The following GRIK4 variants were observed in gnomAD, a reference collection of about 807,000 sequenced individuals.
GRIK4 encodes glutamate receptor ionotropic, kainate 4.
In GRIK4, 40 loss-of-function variants were observed where a neutral mutation model predicts 104.9. That is an observed-to-expected ratio of 0.38 (90% confidence interval 0.30 to 0.50). The LOEUF is 0.50. Ranked by LOEUF, GRIK4 falls within the 20% of genes least tolerant of loss-of-function variation. GRIK4 has a pLI of 0.93. For synonymous variants in GRIK4, 485 were observed against 524.9 expected (o/e 0.92, Z 1.04); for missense variants, 1,047 against 1,308.1 (o/e 0.80, Z 3.08).
intron 1 of GRIK4, among the ~76,000 whole-genome samples, chr11:120,554,309 A>G (rs1283409761): frequency 6.6e-6 from 1 of 152,212 alleles, no homozygotes; most frequent in Non-Finnish European, 1.5e-5. Flanking sequence ...GTAGCAATTA[A>G]CTATCTTTAG....
chr11:120,897,695 A>G (rs10892636), intron 11 of GRIK4, among the ~76,000 whole-genome samples: 27,887 of 150,730 alleles, frequency 0.19, 2,966 homozygotes, highest in East Asian at 0.47. Flanking sequence ...ACAAAACACA[A>G]TAGAGAGAGA....
intron 9 of GRIK4, among the ~76,000 whole-genome samples, chr11:120,863,794 C>G (rs1202060100): frequency 6.6e-6 from 1 of 152,160 alleles, no homozygotes; most frequent in Non-Finnish European, 1.5e-5. Context: ...GAAGCCAGGG[C>G]CTGGACTTAA....
chr11:120,580,256 TCTTTCTTTCTTTC>T (rs1948559398), intron 1 of GRIK4, among the ~76,000 whole-genome samples: 1 of 137,120 alleles, frequency 7.3e-6, no homozygotes, highest in East Asian at 2.0e-4. Context: ...TCTTTCTTTT[TCTTTCTTTCTTTC>T]CTTTCTTTCT....
chr11:120,982,127 G>A lies in GRIK4; in HGVS notation c.2417G>A (p.Gly806Asp), dbSNP rs1417962249. ...RAKGLGMENI[G>D]GIFVVLICGL... ...ACAGGCCTGGGAATGGAGAATATTGGTGGAATCTTTGTGGTTCTTATTTGT... is the reference window on the plus strand; with the variant it reads ...ACAGGCCTGGGAATGGAGAATATTGATGGAATCTTTGTGGTTCTTATTTGT... The change falls in exon 20 of 21, where the codon GGT (glycine) becomes GAT (aspartate). Residue 806 changes from glycine to aspartate, a missense_variant. Gly to Asp is a moderately conservative substitution (Grantham distance 94). Coordinates refer to ENST00000527524, the MANE Select transcript of GRIK4 (RefSeq NM_014619.5). 6.2e-7 allele frequency: 1 copy of A among 1,610,264 alleles called. No homozygotes were observed.
intron 18 of GRIK4, among the ~76,000 whole-genome samples, chr11:120,963,809 G>A (rs1194930389): frequency 6.6e-6 from 1 of 151,980 alleles, no homozygotes; most frequent in African/African-American, 2.4e-5. Flanking sequence ...TTTAGCCTCA[G>A]TTATCTAATT....
At chr11:120,979,140 A>G (rs948889962) in intron 19 of GRIK4, among the ~76,000 whole-genome samples, 2 of 152,226 alleles carry the variant, frequency 1.3e-5, no homozygotes, top group African/African-American at 4.8e-5. Flanking sequence ...TGAGGTCTGA[A>G]TAAAAAGTAC....
At chr11:120,920,089 G>A (rs923558678) in intron 13 of GRIK4, among the ~76,000 whole-genome samples, 13 of 152,166 alleles carry the variant, frequency 8.5e-5, no homozygotes, top group African/African-American at 3.1e-4. Context: ...CTTCCATCCC[G>A]ACTGGACACC....
intron 1 of GRIK4, among the ~76,000 whole-genome samples, chr11:120,582,590 T>C (rs910635876): frequency 6.6e-6 from 1 of 152,216 alleles, no homozygotes; most frequent in Non-Finnish European, 1.5e-5. Flanking sequence ...CACCCACTTA[T>C]AAGTAAGAAC....
At chr11:120,644,891 A>G (rs1455196061) in intron 1 of GRIK4, among the ~76,000 whole-genome samples, 2 of 152,148 alleles carry the variant, frequency 1.3e-5, no homozygotes, top group African/African-American at 2.4e-5. Flanking sequence ...CTTAAAGTAT[A>G]ATAATAATAA....
At chr11:120,629,303 T>A (rs1056658308) in intron 1 of GRIK4, among the ~76,000 whole-genome samples, 1 of 152,224 alleles carries the variant, frequency 6.6e-6, no homozygotes, top group Non-Finnish European at 1.5e-5. Context: ...AGCTTCAGTT[T>A]CTTCATTTGA....
At chr11:120,815,741 C>A (rs940356682) in intron 5 of GRIK4, among the ~76,000 whole-genome samples, 2 of 152,068 alleles carry the variant, frequency 1.3e-5, no homozygotes, top group Non-Finnish European at 2.9e-5. Context: ...GTGCCCCCAG[C>A]GGCCTCTTGG....
intron 1 of GRIK4, among the ~76,000 whole-genome samples, chr11:120,521,299 C>G (rs1173716046): frequency 6.6e-6 from 1 of 152,042 alleles, no homozygotes; most frequent in African/African-American, 2.4e-5. Context: ...ACTCAAACTC[C>G]TGAGCTCAAG....
At chr11:120,981,590 A>G (rs1043677586) in intron 19 of GRIK4, among the ~76,000 whole-genome samples, 12 of 152,256 alleles carry the variant, frequency 7.9e-5, no homozygotes, top group African/African-American at 2.9e-4. Context: ...TGGGATAAAA[A>G]GTTTTACTTT....
chr11:120,807,952 A>G (rs1952749574), intron 4 of GRIK4, among the ~76,000 whole-genome samples: 1 of 152,202 alleles, frequency 6.6e-6, no homozygotes, highest in Non-Finnish European at 1.5e-5. Context: ...ACAGGGGAGC[A>G]GGAGGTCAGA....
chr11:120,636,410 C>T (rs1243530568), intron 1 of GRIK4, among the ~76,000 whole-genome samples: 3 of 152,276 alleles, frequency 2.0e-5, no homozygotes, highest in East Asian at 3.9e-4. Context: ...GTGGTAGATG[C>T]TCAAAAGCAT....
At chr11:120,691,025 G>A (rs1458473917) in intron 3 of GRIK4, among the ~76,000 whole-genome samples, 6 of 151,878 alleles carry the variant, frequency 4.0e-5, no homozygotes, top group Non-Finnish European at 8.8e-5. Flanking sequence ...TCCCTCCTTG[G>A]CTTCTTTTTA....
At chr11:120,781,622 G>C (rs1331194292) in intron 3 of GRIK4, among the ~76,000 whole-genome samples, 1 of 152,214 alleles carries the variant, frequency 6.6e-6, no homozygotes, top group African/African-American at 2.4e-5. Context: ...AAAGTGCTGA[G>C]ATTGCAGGCA....
intron 14 of GRIK4, among the ~76,000 whole-genome samples, chr11:120,949,639 C>T (rs765370313): frequency 2.0e-5 from 3 of 151,910 alleles, no homozygotes; most frequent in Non-Finnish European, 4.4e-5. Context: ...AGTTTGCTGG[C>T]ATTGGGGAGA....
At chr11:120,881,904 T>C (rs1954978740) in intron 11 of GRIK4, among the ~76,000 whole-genome samples, 1 of 152,140 alleles carries the variant, frequency 6.6e-6, no homozygotes, top group South Asian at 2.1e-4. Context: ...GGAAAATAGC[T>C]TCTGTTGCTC....
Sources: allele counts gnomAD v4.1 joint callset (sites outside exome capture counted in the v4.1 genomes callset), GRCh38; gene constraint gnomAD v4.1.1; transcripts MANE v1.5; gene names NCBI Gene and HGNC (gene_info 2026-07-23, HGNC 2026-07-21).